The following ATP13A5 variants were observed in gnomAD, a reference collection of about 807,000 sequenced individuals.
The protein encoded by ATP13A5 is ATPase 13A5.
Under a neutral mutation model 150.2 loss-of-function variants are expected in ATP13A5, and 149 were observed. The observed-to-expected ratio is 0.99, with a 90% confidence interval of 0.87 to 1.14. The LOEUF is 1.14. ATP13A5 is among the 50% of genes most tolerant of loss of function. The probability of loss-of-function intolerance (pLI) is 0.00; values close to 1 mark genes in which losing one functional copy is unlikely to be tolerated. For missense variants in ATP13A5, 1,383 were observed against 1,449.3 expected (o/e 0.95, Z 0.74); for synonymous variants, 497 against 522.2 (o/e 0.95, Z 0.66).
At chr3:193,362,502 G>A (rs1313783496) in intron 4 of ATP13A5, 41 bp from the exon 5 acceptor site, 3 of 1,612,270 alleles carry the variant, frequency 1.9e-6, no homozygotes. Flanking sequence ...TCAGTTCATA[G>A]CACTCAACAA....
chr3:193,333,172 AACACACACACACAC>A (rs57775933), intron 11 of ATP13A5, among the ~76,000 whole-genome samples: 2 of 143,190 alleles, frequency 1.4e-5, no homozygotes, highest in East Asian at 4.4e-4. Context: ...CACACACACA[AACACACACACACAC>A]ACACACACGC....
intron 12 of ATP13A5, among the ~76,000 whole-genome samples, chr3:193,327,368 T>C (rs1560134766): frequency 6.6e-6 from 1 of 152,102 alleles, no homozygotes; most frequent in African/African-American, 2.4e-5. Flanking sequence ...CCAGGAGAGG[T>C]TCAGTACAAG....
intron 27 of ATP13A5, among the ~76,000 whole-genome samples, chr3:193,283,839 G>C (rs1717603027): frequency 6.6e-6 from 1 of 150,412 alleles, no homozygotes; most frequent in Non-Finnish European, 1.5e-5. Flanking sequence ...TTGATAGGGT[G>C]ACCATCTTTA....
At chr3:193,278,219 G>C (rs1211710887) in intron 28 of ATP13A5, among the ~76,000 whole-genome samples, 1 of 152,164 alleles carries the variant, frequency 6.6e-6, no homozygotes, top group Non-Finnish European at 1.5e-5. Context: ...CTGGAGCTTC[G>C]TGTTTGATAA....
intron 1 of ATP13A5, among the ~76,000 whole-genome samples, chr3:193,368,755 G>A (rs181492772): frequency 1.5e-4 from 23 of 151,852 alleles, no homozygotes; most frequent in African/African-American, 4.6e-4. Context: ...TCCCCCCACC[G>A]CCCCACCCCA....
At chr3:193,287,146 T>C (rs560242543) in intron 26 of ATP13A5, among the ~76,000 whole-genome samples, 1 of 152,204 alleles carries the variant, frequency 6.6e-6, no homozygotes, top group East Asian at 1.9e-4. Context: ...TTCCTAAGAC[T>C]GAGAGAAAGA....
chr3:193,355,427 G>A (rs1039689413), intron 5 of ATP13A5, among the ~76,000 whole-genome samples: 1 of 152,142 alleles, frequency 6.6e-6, no homozygotes. Context: ...AGGCTTTGTA[G>A]CATTGTCTAT....
At chr3:193,368,665 A>C (rs888389330) in intron 1 of ATP13A5, among the ~76,000 whole-genome samples, 13 of 152,212 alleles carry the variant, frequency 8.5e-5, no homozygotes, top group African/African-American at 2.9e-4. Context: ...GAGCCACTGC[A>C]ATCTGTGTGG....
At position 193,307,319 on chromosome 3, in the gene ATP13A5, C is replaced by A. The variant is rs369457079; in HGVS notation, c.2568+8G>T. ...TGGCTTGTCTGAGCAAAAGCCATTT[C>A]TACTCACCCCACAGTCGTTAGCTCC... On this transcript the variant is annotated splice_region_variant and intron_variant, in intron 22 of 29. Transcript: ENST00000342358. 8 of 1,613,676 alleles carry A rather than the reference C, an allele frequency of 5.0e-6. No homozygotes were observed. The African/African-American group carries it at 1.1e-4, about 22-fold the overall frequency.
chr3:193,309,774 G>A (rs536671658), intron 21 of ATP13A5, among the ~76,000 whole-genome samples: 5 of 152,292 alleles, frequency 3.3e-5, no homozygotes, highest in South Asian at 4.1e-4. Context: ...CAGTCCAACC[G>A]CTCATGAGGC....
intron 8 of ATP13A5, 50 bp from the exon 9 acceptor site, chr3:193,344,105 C>A (rs768978946): frequency 1.3e-6 from 2 of 1,590,222 alleles, no homozygotes; most frequent in African/African-American, 2.7e-5. Flanking sequence ...CCTGTTTTTA[C>A]TTAAGAATGA....
At chr3:193,316,821 C>A (rs1577345773) in intron 17 of ATP13A5, among the ~76,000 whole-genome samples, 1 of 152,206 alleles carries the variant, frequency 6.6e-6, no homozygotes, top group African/African-American at 2.4e-5. Context: ...AGTTTAATAT[C>A]CACCAGCAAA....
chr3:193,302,397 G>T (rs961933342), intron 23 of ATP13A5, among the ~76,000 whole-genome samples: 2 of 151,494 alleles, frequency 1.3e-5, no homozygotes. Context: ...TGTGAAGTAT[G>T]GATCGTTTTC....
chr3:193,306,286 T>C (rs1188418464), intron 22 of ATP13A5, among the ~76,000 whole-genome samples: 2 of 151,912 alleles, frequency 1.3e-5, no homozygotes, highest in African/African-American at 4.8e-5. Context: ...TACTTTATGT[T>C]AGGGTTAGTT....
At chr3:193,344,192 C>T in intron 8 of ATP13A5, 137 bp from the exon 9 acceptor site, 1 of 1,141,902 alleles carries the variant, frequency 8.8e-7, no homozygotes, top group Non-Finnish European at 1.2e-6. Context: ...CCTTTTTAGT[C>T]AATTGAAAAT....
chr3:193,281,582 TC>T (rs1717496893), intron 27 of ATP13A5, among the ~76,000 whole-genome samples: 1 of 152,170 alleles, frequency 6.6e-6, no homozygotes, highest in African/African-American at 2.4e-5. Flanking sequence ...AAGTTAAGCC[TC>T]TACTTTTTCA....
intron 27 of ATP13A5, among the ~76,000 whole-genome samples, chr3:193,279,996 AAAAAAAAG>A: frequency 6.7e-6 from 1 of 150,346 alleles, no homozygotes; most frequent in Non-Finnish European, 1.5e-5. Context: ...AAAAAAAAAA[AAAAAAAAG>A]CCCTGTGTAC....
At chr3:193,280,468 G>A (rs900285528) in intron 27 of ATP13A5, among the ~76,000 whole-genome samples, 1 of 152,142 alleles carries the variant, frequency 6.6e-6, no homozygotes, top group Non-Finnish European at 1.5e-5. Flanking sequence ...CTTAATTCAT[G>A]TATCAACTGG....
chr3:193,375,523 G>A lies in ATP13A5; in HGVS notation c.63+3140C>T, dbSNP rs115798894. Among the ~76,000 whole-genome samples, 1,389 of 152,176 alleles carry A rather than the reference G, an allele frequency of 9.1e-3. 14 individuals are homozygous for A. Among genetic ancestry groups the A allele is most frequent in the Non-Finnish European group, 0.015 (990 of 68,000 alleles). ...AACACCTGGGCAGGGCAGATTTTTA[G>A]GAAAAAGGCAGGTGAAGAAAAGGAA... On this transcript the variant is annotated intron_variant, in intron 1 of 29. Transcript: ENST00000342358.
Sources: gnomAD v4.1 joint callset for allele counts (sites outside exome capture counted in the v4.1 genomes callset) on GRCh38, gnomAD v4.1.1 for gene constraint, MANE v1.5 for transcripts, NCBI Gene and HGNC (gene_info 2026-07-23, HGNC 2026-07-21) for gene names.